Variants in ARMH3 observed in about 807,000 individuals in gnomAD.
ARMH3 encodes the protein armadillo-like helical domain-containing protein 3.
ARMH3 carries 60 observed loss-of-function variants against 99.1 expected under a neutral mutation model. That is an observed-to-expected ratio of 0.61 (90% CI 0.49 to 0.75). The LOEUF is 0.75. ARMH3 is among the 30% of genes least tolerant of loss of function. The probability of loss-of-function intolerance (pLI) is 0.00; values close to 1 mark genes in which losing one functional copy is unlikely to be tolerated. For synonymous variants in ARMH3, 285 were observed against 292.8 expected (o/e 0.97, Z 0.27); for missense variants, 679 against 843.1 (o/e 0.81, Z 2.41).
At chr10:102,022,422 G>A (rs2066905936) in intron 8 of ARMH3, among the ~76,000 whole-genome samples, 1 of 148,140 alleles carries the variant, frequency 6.8e-6, no homozygotes, top group Non-Finnish European at 1.5e-5. Flanking sequence ...AACCCAGGAG[G>A]CGGAGCTTGC....
At chr10:101,956,753 G>C in intron 21 of ARMH3, 30 bp from the exon 22 acceptor site, 2 of 1,606,882 alleles carry the variant, frequency 1.2e-6, no homozygotes, top group Non-Finnish European at 1.7e-6. Context: ...CCATATATAG[G>C]CATCAGGCTA....
chr10:101,957,641 G>T lies in ARMH3; in HGVS notation c.1578+9C>A. 2.5e-6 allele frequency: 4 copies of T among 1,600,614 alleles called. No homozygotes were observed. In the South Asian group the frequency reaches 3.4e-5, roughly 14 times the overall value. On this transcript the variant is annotated intron_variant, in intron 21 of 25. Coordinates refer to ENST00000370033, the MANE Select transcript of ARMH3 (RefSeq NM_024541.3). Reference sequence around the variant, plus strand: ...CTTCAGAAAAAGAAGTATTTGTTTTGATACTCACCATAAGGGCTAATGTAA... The same window carrying T: ...CTTCAGAAAAAGAAGTATTTGTTTTTATACTCACCATAAGGGCTAATGTAA...
intron 22 of ARMH3, among the ~76,000 whole-genome samples, chr10:101,942,185 T>C (rs1173021330): frequency 6.6e-6 from 1 of 152,230 alleles, no homozygotes; most frequent in African/African-American, 2.4e-5. Flanking sequence ...AAAGCCATCA[T>C]TTATGTAGTA....
intron 19 of ARMH3, among the ~76,000 whole-genome samples, chr10:101,975,694 T>C (rs186394777): frequency 1.3e-3 from 189 of 149,546 alleles, no homozygotes; most frequent in Admixed American, 3.5e-3. Flanking sequence ...TGAAACCCCA[T>C]CTCTACTAAA....
intron 23 of ARMH3, among the ~76,000 whole-genome samples, chr10:101,910,731 C>CA (rs1227264596): frequency 0.072 from 5,531 of 77,264 alleles, 126 homozygotes; most frequent in Middle Eastern, 0.12. Context: ...GACTCCATCT[C>CA]AAAAAAAAAA....
At chr10:101,853,815 T>C (rs558818882) in intron 24 of ARMH3, among the ~76,000 whole-genome samples, 2 of 152,194 alleles carry the variant, frequency 1.3e-5, no homozygotes, top group African/African-American at 2.4e-5. Flanking sequence ...AAGAGCCTGA[T>C]AGAAAGTTAA....
intron 24 of ARMH3, among the ~76,000 whole-genome samples, chr10:101,886,852 AC>A (rs917263740): frequency 6.6e-6 from 1 of 152,198 alleles, no homozygotes; most frequent in African/African-American, 2.4e-5. Context: ...ACTAAATGTA[AC>A]AAATTCCATT....
intron 24 of ARMH3, among the ~76,000 whole-genome samples, chr10:101,889,022 T>C (rs1358780155): frequency 6.6e-6 from 1 of 152,232 alleles, no homozygotes; most frequent in Admixed American, 6.5e-5. Context: ...ACGAGCCAAA[T>C]AGCTTCAAAT....
chr10:101,900,134 C>T (rs1438094035), intron 23 of ARMH3, among the ~76,000 whole-genome samples: 2 of 152,160 alleles, frequency 1.3e-5, no homozygotes, highest in East Asian at 3.8e-4. Flanking sequence ...TAAGATTATC[C>T]TATCGTTGCT....
chr10:102,020,861 A>G (rs2066869604), intron 8 of ARMH3, among the ~76,000 whole-genome samples: 1 of 151,318 alleles, frequency 6.6e-6, no homozygotes, highest in South Asian at 2.1e-4. Context: ...AAAAAAAAAA[A>G]AAAAAGTCTA....
intron 23 of ARMH3, among the ~76,000 whole-genome samples, chr10:101,890,872 A>ATTTT (rs1313468909): frequency 7.6e-6 from 1 of 130,918 alleles, no homozygotes; most frequent in African/African-American, 2.8e-5. Flanking sequence ...CCTGACTGGT[A>ATTTT]TTTTTTTTTT....
intron 23 of ARMH3, among the ~76,000 whole-genome samples, chr10:101,912,203 G>A (rs942962714): frequency 1.1e-4 from 17 of 151,988 alleles, no homozygotes; most frequent in African/African-American, 4.1e-4. Flanking sequence ...GACCAGTCTG[G>A]CCAATATGGT....
intron 24 of ARMH3, among the ~76,000 whole-genome samples, chr10:101,852,069 A>AC (rs2066615404): frequency 6.6e-6 from 1 of 152,212 alleles, no homozygotes; most frequent in East Asian, 1.9e-4. Context: ...ACCAGGCAGA[A>AC]TAGAGTAATA....
chr10:101,911,230 G>A (rs1454851217), intron 23 of ARMH3, among the ~76,000 whole-genome samples: 1 of 152,170 alleles, frequency 6.6e-6, no homozygotes, highest in Non-Finnish European at 1.5e-5. Context: ...TATATTTTGA[G>A]GGGATTTATT....
chr10:102,017,355 CTTCTGA>C (rs1465684454), intron 8 of ARMH3, among the ~76,000 whole-genome samples: 80 of 152,300 alleles, frequency 5.3e-4, no homozygotes, highest in African/African-American at 1.9e-3. Flanking sequence ...CTTCTGGGGG[CTTCTGA>C]AAGACTAGAG....
chr10:102,055,026 A>T (rs2067804128), intron 1 of ARMH3, among the ~76,000 whole-genome samples: 1 of 136,484 alleles, frequency 7.3e-6, no homozygotes, highest in South Asian at 2.5e-4. Flanking sequence ...CAAACAAACA[A>T]ACAAAAAAAA....
At chr10:101,925,616 A>G (rs1453305862) in intron 23 of ARMH3, among the ~76,000 whole-genome samples, 1 of 152,230 alleles carries the variant, frequency 6.6e-6, no homozygotes, top group African/African-American at 2.4e-5. Flanking sequence ...TCATCATTTA[A>G]AAGAATGAAC....
At chr10:101,964,201 G>C (rs575035876) in intron 20 of ARMH3, among the ~76,000 whole-genome samples, 1 of 152,082 alleles carries the variant, frequency 6.6e-6, no homozygotes, top group East Asian at 1.9e-4. Flanking sequence ...ATAAAGACAG[G>C]GTTTCGCCAC....
At chr10:101,877,943 G>T (rs947493360) in intron 24 of ARMH3, among the ~76,000 whole-genome samples, 2 of 151,386 alleles carry the variant, frequency 1.3e-5, no homozygotes, top group African/African-American at 2.4e-5. Context: ...AAATGGAATC[G>T]CTATTTTAAA....
Sources: gnomAD v4.1 joint callset for allele counts (sites outside exome capture counted in the v4.1 genomes callset) on GRCh38, gnomAD v4.1.1 for gene constraint, MANE v1.5 for transcripts, NCBI Gene and HGNC (gene_info 2026-07-23, HGNC 2026-07-21) for gene names.